Variants in CTTN observed in about 807,000 individuals in gnomAD.
The protein encoded by CTTN is cortactin, also known as src substrate cortactin.
A neutral mutation model predicts 84.0 loss-of-function variants in CTTN; 28 were observed. The observed-to-expected ratio is 0.33, with a 90% CI of 0.25 to 0.46. The LOEUF is 0.46. CTTN is among the 20% of genes least tolerant of loss of function. CTTN has a pLI of 1.00. For missense variants in CTTN, 641 were observed against 723.8 expected, an observed-to-expected ratio of 0.89 and a Z score of 1.31; for synonymous variants, 301 against 288.8, an observed-to-expected ratio of 1.04 and a Z score of -0.43.
intron 9 of CTTN, 43 bp downstream of exon 9, chr11:70,419,899 T>C (rs748887972): frequency 2.7e-6 from 4 of 1,464,038 alleles, no homozygotes; most frequent in East Asian, 4.5e-5. Flanking sequence ...CAGCTAGTAA[T>C]GTGACAGGTG....
intron 1 of CTTN, among the ~76,000 whole-genome samples, chr11:70,403,329 C>T (rs1041315807): frequency 2.0e-5 from 3 of 151,894 alleles, no homozygotes; most frequent in Admixed American, 6.6e-5. Context: ...GCTGGGACTA[C>T]AGGCATGCGT....
chr11:70,422,603 CTG>C (rs1565495870), intron 11 of CTTN: 3 of 1,328,028 alleles, frequency 2.3e-6, no homozygotes, highest in Non-Finnish European at 2.0e-6. Context: ...GTGCGGAAGA[CTG>C]TGCTATTGAA....
intron 6 of CTTN, 70 bp downstream of exon 6, chr11:70,414,722 G>C: frequency 8.6e-7 from 1 of 1,163,836 alleles, no homozygotes; most frequent in Non-Finnish European, 1.3e-6. Flanking sequence ...TCTGAGCCCT[G>C]TTGGGCCACT....
intron 13 of CTTN, among the ~76,000 whole-genome samples, chr11:70,427,655 C>A (rs985669341): frequency 6.6e-6 from 1 of 152,252 alleles, no homozygotes; most frequent in Non-Finnish European, 1.5e-5. Context: ...TCCTCTGGCC[C>A]TGTGAGGGAC....
At chr11:70,425,067 C>G (rs1018731964) in intron 12 of CTTN, among the ~76,000 whole-genome samples, 1 of 152,110 alleles carries the variant, frequency 6.6e-6, no homozygotes, top group Non-Finnish European at 1.5e-5. Flanking sequence ...TGAGGCTGAT[C>G]CCAGAATTGG....
At chr11:70,424,120 G>A (rs754903512) in intron 12 of CTTN, among the ~76,000 whole-genome samples, 4 of 152,140 alleles carry the variant, frequency 2.6e-5, no homozygotes, top group Non-Finnish European at 4.4e-5. Context: ...CCGGGGCCGG[G>A]TCCGGGTGGC....
intron 4 of CTTN, chr11:70,407,803 C>A: frequency 3.9e-6 from 2 of 512,138 alleles, no homozygotes; most frequent in South Asian, 3.3e-5. Context: ...TTAGATACTT[C>A]TGTGCTCAGT....
chr11:70,432,280 C>A (rs73518295), intron 15 of CTTN, among the ~76,000 whole-genome samples: 4 of 152,318 alleles, frequency 2.6e-5, no homozygotes, highest in Middle Eastern at 6.8e-3. Context: ...AAGGAAGCTC[C>A]GACCCTGCCC....
At chr11:70,420,919 C>T (rs1229867161) in intron 10 of CTTN, among the ~76,000 whole-genome samples, 2 of 152,234 alleles carry the variant, frequency 1.3e-5, no homozygotes, top group East Asian at 3.9e-4. Flanking sequence ...CAGTGCTCCT[C>T]ATCCAGGCTT....
intron 7 of CTTN, 44 bp downstream of exon 7, chr11:70,415,761 G>A (rs376897857): frequency 3.3e-5 from 53 of 1,594,830 alleles, no homozygotes; most frequent in African/African-American, 8.1e-5. Context: ...CGGGGGCCCC[G>A]ATGGGGAGAG....
chr11:70,425,681 G>C (rs1194359101), intron 13 of CTTN, among the ~76,000 whole-genome samples: 1 of 152,202 alleles, frequency 6.6e-6, no homozygotes, highest in Non-Finnish European at 1.5e-5. Context: ...ATTCACAAGG[G>C]CCTCCACACT....
intron 2 of CTTN, among the ~76,000 whole-genome samples, chr11:70,406,004 G>A (rs1050811479): frequency 6.6e-6 from 1 of 152,236 alleles, no homozygotes; most frequent in African/African-American, 2.4e-5. Flanking sequence ...TTATAAATGG[G>A]CGCGTTGGGA....
intron 4 of CTTN, 37 bp from the exon 5 acceptor site, chr11:70,409,794 T>C (rs185782439): frequency 1.2e-6 from 2 of 1,606,900 alleles, no homozygotes; most frequent in Admixed American, 1.7e-5. Flanking sequence ...CACGTCTGTT[T>C]TATTGATCTG....
At chr11:70,409,264 A>C (rs900020390) in intron 4 of CTTN, among the ~76,000 whole-genome samples, 2 of 152,206 alleles carry the variant, frequency 1.3e-5, no homozygotes, top group Admixed American at 1.3e-4. Context: ...TGTCTGGCCT[A>C]CCAGATTTGA....
intron 11 of CTTN, chr11:70,422,423 G>T: frequency 9.6e-7 from 1 of 1,043,338 alleles, no homozygotes; most frequent in Non-Finnish European, 1.3e-6. Context: ...GCATGACAGT[G>T]TGACTTTCAT....
Position 70,407,822 on chromosome 11 carries a change from A to C in CTTN, c.161+231A>C, listed in dbSNP as rs536899030. 87 of 481,208 alleles carry C rather than the reference A, an allele frequency of 1.8e-4. No homozygotes were observed. In the South Asian group the frequency reaches 3.3e-3, roughly 18 times the overall value. 29.8% of individuals were successfully genotyped at this position (481,208 alleles called of 1,614,324 possible). ...ATACTTCTGTGCTCAGTAATTTTTA[A>C]ATTCCCATTGCAAACAATTTCCGTA... is the stretch of plus-strand genomic sequence containing the variant. On this transcript the variant is annotated intron_variant, in intron 4 of 17. Coordinates refer to ENST00000301843, the MANE Select transcript of CTTN (RefSeq NM_005231.4).
intron 7 of CTTN, chr11:70,416,795 G>GT (rs1383018627): frequency 3.7e-6 from 2 of 533,922 alleles, no homozygotes; most frequent in African/African-American, 3.8e-5. Context: ...GAACTGCCCT[G>GT]TAACAGCTGA....
intron 17 of CTTN, among the ~76,000 whole-genome samples, chr11:70,434,677 G>A (rs1003200582): frequency 6.6e-5 from 10 of 152,202 alleles, no homozygotes; most frequent in African/African-American, 1.7e-4. Context: ...TGCGGCCTCC[G>A]CAGCCCATCT....
At chr11:70,420,822 G>A (rs920013031) in intron 10 of CTTN, among the ~76,000 whole-genome samples, 1 of 151,682 alleles carries the variant, frequency 6.6e-6, no homozygotes, top group African/African-American at 2.4e-5. Flanking sequence ...GCAGCGGGGG[G>A]CTGGGTTTAC....
Sources: gnomAD v4.1 joint callset for allele counts (sites outside exome capture counted in the v4.1 genomes callset) on GRCh38, gnomAD v4.1.1 for gene constraint, MANE v1.5 for transcripts, NCBI Gene and HGNC (gene_info 2026-07-23, HGNC 2026-07-21) for gene names.